The following FMO4 variants were observed in gnomAD, a reference collection of about 807,000 sequenced individuals.
FMO4 encodes the protein flavin containing dimethylaniline monoxygenase 4.
A neutral mutation model predicts 43.3 loss-of-function variants in FMO4; 38 were observed. That is an observed-to-expected ratio of 0.88 (90% CI 0.68 to 1.15). The LOEUF (loss-of-function observed/expected upper bound fraction) is 1.15. FMO4 is among the 50% of genes most tolerant of loss of function. The probability of loss-of-function intolerance (pLI) is 0.00; values close to 1 mark genes in which losing one functional copy is unlikely to be tolerated. For synonymous variants in FMO4, 224 were observed against 232.2 expected, an observed-to-expected ratio of 0.96 and a Z score of 0.32; for missense variants, 631 against 663.3, an observed-to-expected ratio of 0.95 and a Z score of 0.54.
At chr1:171,333,657 A>G (rs1220526289) in intron 7 of FMO4, among the ~76,000 whole-genome samples, 1 of 152,100 alleles carries the variant, frequency 6.6e-6, no homozygotes, top group Admixed American at 6.6e-5. Context: ...CTTTGGTAAG[A>G]TATCTTTTTT....
At chr1:171,324,975 G>T (rs1265879984) in intron 5 of FMO4, among the ~76,000 whole-genome samples, 1 of 152,126 alleles carries the variant, frequency 6.6e-6, no homozygotes, top group Non-Finnish European at 1.5e-5. Flanking sequence ...GGGCATGATG[G>T]CTCATGCCTG....
At chr1:171,327,820 G>A (rs914099115) in intron 5 of FMO4, among the ~76,000 whole-genome samples, 2 of 152,140 alleles carry the variant, frequency 1.3e-5, no homozygotes, top group African/African-American at 4.8e-5. Context: ...GGCGGCTGAG[G>A]CGGGAGGATC....
intron 5 of FMO4, among the ~76,000 whole-genome samples, chr1:171,327,411 A>G (rs954694543): frequency 1.3e-5 from 2 of 152,076 alleles, no homozygotes; most frequent in Non-Finnish European, 2.9e-5. Context: ...TACTTACTGT[A>G]TGGTTCTGGG....
chr1:171,319,740 C>T (rs981201196), intron 2 of FMO4, 78 bp from the exon 3 acceptor site: 6 of 1,362,550 alleles, frequency 4.4e-6, no homozygotes, highest in East Asian at 2.3e-5. Context: ...TATAGCACTA[C>T]AAAAATTGAG....
At chr1:171,338,837 A>T (rs560583296) in intron 9 of FMO4, among the ~76,000 whole-genome samples, 1 of 152,284 alleles carries the variant, frequency 6.6e-6, no homozygotes, top group Non-Finnish European at 1.5e-5. Context: ...GCTTTTTGAC[A>T]GCAAGGACTT....
rs1226645136 is a variant in FMO4, at chr1:171,331,750, A to G, written c.595A>G (p.Ile199Val). ...VIGLGNTGGDIAVELSRTAAQ... is the reference protein window; with the variant it reads ...VIGLGNTGGDVAVELSRTAAQ... ...TGGTCTTGGGAACACTGGAGGAGAC[A>G]TTGCTGTGGAACTCAGTCGAACGGC... The change falls in exon 6 of 10, where the codon ATT (isoleucine) becomes GTT (valine). Residue 199 changes from isoleucine to valine, a missense_variant. Ile to Val is a conservative substitution (Grantham distance 29). Coordinates refer to ENST00000367749, the MANE Select transcript of FMO4 (RefSeq NM_002022.3). The G allele has an allele frequency of 6.2e-7, 1 of 1,613,932 alleles. No homozygotes were observed. The highest frequency in any genetic ancestry group is 2.2e-5 in the East Asian group (1 of 44,878).
intron 3 of FMO4, among the ~76,000 whole-genome samples, chr1:171,322,265 A>G (rs1045227057): frequency 1.3e-4 from 20 of 152,186 alleles, no homozygotes; most frequent in African/African-American, 4.8e-4. Flanking sequence ...GGAGACAATA[A>G]TGAGAAAAAT....
chr1:171,333,126 A>G (rs1571407325), intron 7 of FMO4: 4 of 386,844 alleles, frequency 1.0e-5, no homozygotes, highest in Non-Finnish European at 1.8e-5. Context: ...AGGCTGGAAG[A>G]AAATAAAAGA....
chr1:171,314,855 A>G (rs1375681167), intron 1 of FMO4, among the ~76,000 whole-genome samples: 1 of 152,226 alleles, frequency 6.6e-6, no homozygotes, highest in African/African-American at 2.4e-5. Context: ...AATTGATTAC[A>G]TGATTTGCAA....
chr1:171,319,759 C>T, intron 2 of FMO4, 59 bp from the exon 3 acceptor site: 1 of 1,526,608 alleles, frequency 6.6e-7, no homozygotes, highest in Non-Finnish European at 9.0e-7. Context: ...AGTCTTTTGA[C>T]AAGGGCTCCC....
chr1:171,339,116 G>T (rs1663247251), intron 9 of FMO4, among the ~76,000 whole-genome samples: 1 of 152,108 alleles, frequency 6.6e-6, no homozygotes, highest in Non-Finnish European at 1.5e-5. Context: ...CATATCTGTG[G>T]AAAGTTCAGT....
At position 171,332,897 on chromosome 1, in the gene FMO4, T is replaced by G; in HGVS notation, c.816T>G (p.Ser272Arg). 7.4e-7 allele frequency: 1 copy of G among 1,343,136 alleles called. No homozygotes were observed. The highest frequency in any genetic ancestry group is 1.1e-6 in the Non-Finnish European group (1 of 933,244). 83.2% of individuals were successfully genotyped at this position (1,343,136 alleles called of 1,614,324 possible). A position where few individuals can be genotyped will look rare whatever the true frequency, so the allele number is the denominator to read the frequency against. ...TTAATCATGAGGATTATGGATTAAG[T>G]ATTACCAAAGGGTACTTACATTTTT... ...KRFNHEDYGL[S>R]ITKGKKAKFI... is the part of the protein sequence containing the mutation. Residue 272 changes from serine to arginine, a missense_variant, in exon 7 of 10, where the codon AGT (serine) becomes AGG (arginine). By Grantham distance (110) the Ser-to-Arg change is moderately radical. Transcript: ENST00000367749.
At chr1:171,338,088 C>A (rs1404800670) in intron 9 of FMO4, among the ~76,000 whole-genome samples, 1 of 152,106 alleles carries the variant, frequency 6.6e-6, no homozygotes, top group Admixed American at 6.6e-5. Context: ...CAGTTCATAG[C>A]TACTCATTCC....
chr1:171,331,566 C>A (rs951761455), intron 5 of FMO4, 74 bp from the exon 6 acceptor site: 1 of 1,444,534 alleles, frequency 6.9e-7, no homozygotes, highest in Non-Finnish European at 9.6e-7. Context: ...CCTTTTTCCA[C>A]AGACCCTATC....
intron 2 of FMO4, among the ~76,000 whole-genome samples, chr1:171,317,852 G>T (rs1287934830): frequency 6.6e-5 from 10 of 152,148 alleles, no homozygotes; most frequent in Admixed American, 5.9e-4. Flanking sequence ...GACTCTAAAT[G>T]CTTTGAATCA....
intron 8 of FMO4, 46 bp from the exon 9 acceptor site, chr1:171,337,310 G>A (rs760272122): frequency 1.5e-6 from 2 of 1,304,066 alleles, no homozygotes; most frequent in Non-Finnish European, 2.2e-6. Flanking sequence ...TTAAATAAAG[G>A]AAAAGCCACA....
intron 5 of FMO4, among the ~76,000 whole-genome samples, chr1:171,326,131 G>A (rs45520235): frequency 0.044 from 6,618 of 151,878 alleles, 461 homozygotes; most frequent in African/African-American, 0.15. Context: ...ACAGAACTAT[G>A]ACTTTTTAAG....
intron 5 of FMO4, among the ~76,000 whole-genome samples, chr1:171,328,952 A>G (rs1234627886): frequency 1.3e-5 from 2 of 152,126 alleles, no homozygotes; most frequent in African/African-American, 4.8e-5. Context: ...TCATAACTAA[A>G]ATGTCCTGTT....
intron 7 of FMO4, among the ~76,000 whole-genome samples, chr1:171,334,156 T>C (rs1663014751): frequency 6.6e-6 from 1 of 152,174 alleles, no homozygotes; most frequent in South Asian, 2.1e-4. Context: ...AGAAATTAGT[T>C]CTAAGAGATA....
Sources: gnomAD v4.1 joint callset for allele counts (sites outside exome capture counted in the v4.1 genomes callset) on GRCh38, gnomAD v4.1.1 for gene constraint, MANE v1.5 for transcripts, NCBI Gene and HGNC (gene_info 2026-07-23, HGNC 2026-07-21) for gene names.